Variants in NANOGNB observed in about 807,000 individuals in gnomAD.
NANOGNB encodes homeobox C14.
In NANOGNB, 30 loss-of-function variants were observed where a neutral mutation model predicts 25.0. That is an observed-to-expected ratio of 1.20 (90% CI 0.90 to 1.63). NANOGNB has a LOEUF of 1.63. Among genes scored for constraint, NANOGNB ranks in the 40% most tolerant of loss-of-function variants. NANOGNB has a pLI of 0.00. For missense variants in NANOGNB, 200 were observed against 188.1 expected, an observed-to-expected ratio of 1.06 and a Z score of -0.37; for synonymous variants, 84 against 62.1, an observed-to-expected ratio of 1.35 and a Z score of -1.66.
chr12:7,771,116 T>C (rs767319560), intron 3 of NANOGNB, among the ~76,000 whole-genome samples: 1 of 152,336 alleles, frequency 6.6e-6, no homozygotes, highest in East Asian at 1.9e-4. Context: ...GTTTGTTCCT[T>C]TGATGCTAAA....
chr12:7,773,565 A>AAAAAAAAAAAAAAAAAAAAC (rs1862607259), intron 3 of NANOGNB, among the ~76,000 whole-genome samples: 1 of 137,686 alleles, frequency 7.3e-6, no homozygotes, highest in Non-Finnish European at 1.6e-5. Context: ...AAAAAAAAAA[A>AAAAAAAAAAAAAAAAAAAAC]AAAAAAAAAA....
chr12:7,767,915 G>C (rs1592109757), intron 1 of NANOGNB, among the ~76,000 whole-genome samples: 1 of 151,820 alleles, frequency 6.6e-6, no homozygotes, highest in African/African-American at 2.4e-5. Flanking sequence ...ACCTCACTCT[G>C]TTGCCCAGGC....
intron 1 of NANOGNB, among the ~76,000 whole-genome samples, chr12:7,767,789 T>G (rs1226272934): frequency 6.7e-6 from 1 of 149,676 alleles, no homozygotes; most frequent in Non-Finnish European, 1.5e-5. Context: ...TGTGGCAGGG[T>G]CTTGCTCTGT....
intron 3 of NANOGNB, 24 bp from the exon 4 acceptor site, chr12:7,773,773 CTTT>C (rs34408824): frequency 2.6e-3 from 1,329 of 514,746 alleles, no homozygotes; most frequent in Middle Eastern, 6.3e-3. Context: ...TTGCGAAACT[CTTT>C]TTTTTTTTTT....
intron 3 of NANOGNB, among the ~76,000 whole-genome samples, chr12:7,772,685 G>C (rs970210244): frequency 6.7e-6 from 1 of 149,120 alleles, no homozygotes. Context: ...CCAGGTTCAA[G>C]CAGTTCTCGT....
chr12:7,770,415 C>T (rs1865282603), intron 2 of NANOGNB, 24 bp from the exon 3 acceptor site: 1 of 1,530,568 alleles, frequency 6.5e-7, no homozygotes. Context: ...TATTAATCAC[C>T]TCCCACACCT....
In NANOGNB at chr12:7,773,082, T is replaced by C. The variant is rs79250975; in HGVS notation, c.516-718T>C. Among the ~76,000 whole-genome samples, 1,172 of 152,070 alleles carry C rather than the reference T, an allele frequency of 7.7e-3. 18 individuals carry two copies. The highest frequency in any genetic ancestry group is 0.027 in the African/African-American group (1,123 of 41,482). On this transcript the variant is annotated intron_variant, in intron 3 of 3. Coordinates refer to ENST00000382119, the MANE Select transcript of NANOGNB (RefSeq NM_001145465.1). Reference sequence around the variant, plus strand: ...CAATTTGTTTCACATGTAGTGTTGTTTACTCTTAGTGTCCTCTATTAAAAT... The same window carrying C: ...CAATTTGTTTCACATGTAGTGTTGTCTACTCTTAGTGTCCTCTATTAAAAT...
At chr12:7,766,918 G>C in intron 1 of NANOGNB, among the ~76,000 whole-genome samples, 2 of 152,304 alleles carry the variant, frequency 1.3e-5, no homozygotes, top group South Asian at 4.1e-4. Flanking sequence ...TCAGCTCACT[G>C]CAATCTTTGC....
intron 1 of NANOGNB, among the ~76,000 whole-genome samples, chr12:7,768,695 G>A (rs774270700): frequency 6.4e-4 from 98 of 152,086 alleles, no homozygotes; most frequent in African/African-American, 2.2e-3. Context: ...GCCATGCCCC[G>A]CTAATTTTTT....
At chr12:7,766,199 A>C (rs758044463) in intron 1 of NANOGNB, 2 of 398,512 alleles carry the variant, frequency 5.0e-6, no homozygotes. Flanking sequence ...GGCCAGGCAC[A>C]GTGGCTCACA....
At chr12:7,772,010 T>C (rs1197309829) in intron 3 of NANOGNB, among the ~76,000 whole-genome samples, 1 of 152,156 alleles carries the variant, frequency 6.6e-6, no homozygotes, top group Non-Finnish European at 1.5e-5. Flanking sequence ...ACCGAGGGAA[T>C]GACTCCCACC....
chr12:7,771,489 G>A (rs1300537622), intron 3 of NANOGNB, among the ~76,000 whole-genome samples: 4 of 152,156 alleles, frequency 2.6e-5, no homozygotes, highest in Non-Finnish European at 5.9e-5. Context: ...AAAGTGCTGG[G>A]ATTACAGGCG....
chr12:7,771,168 G>T (rs546350672), intron 3 of NANOGNB, among the ~76,000 whole-genome samples: 5 of 152,150 alleles, frequency 3.3e-5, no homozygotes, highest in Admixed American at 1.3e-4. Context: ...AGTGGCAAAA[G>T]CTCATGTGAT....
chr12:7,767,544 C>T (rs778468334), intron 1 of NANOGNB, among the ~76,000 whole-genome samples: 27 of 151,832 alleles, frequency 1.8e-4, no homozygotes, highest in South Asian at 1.7e-3. Flanking sequence ...CACCCACTGC[C>T]GTCTCTTAAA....
At chr12:7,768,875 C>G (rs188921727) in intron 1 of NANOGNB, among the ~76,000 whole-genome samples, 6 of 152,236 alleles carry the variant, frequency 3.9e-5, no homozygotes, top group Admixed American at 2.6e-4. Context: ...CTCTGTCACC[C>G]AGGCTGGAGT....
At chr12:7,767,165 C>T (rs1865253350) in intron 1 of NANOGNB, among the ~76,000 whole-genome samples, 1 of 152,028 alleles carries the variant, frequency 6.6e-6, no homozygotes, top group African/African-American at 2.4e-5. Flanking sequence ...TTTGCAATGT[C>T]AGGGTCATTA....
At chr12:7,773,017 A>G (rs1401633402) in intron 3 of NANOGNB, among the ~76,000 whole-genome samples, 1 of 151,858 alleles carries the variant, frequency 6.6e-6, no homozygotes, top group Non-Finnish European at 1.5e-5. Context: ...GAGGAAGCGT[A>G]TATTTTCAGT....
At chr12:7,770,800 C>A (rs1049308098) in intron 3 of NANOGNB, among the ~76,000 whole-genome samples, 1 of 152,086 alleles carries the variant, frequency 6.6e-6, no homozygotes, top group African/African-American at 2.4e-5. Flanking sequence ...TTAGTGGAGA[C>A]GGGGTTTCTC....
chr12:7,771,128 A>G (rs536250886), intron 3 of NANOGNB, among the ~76,000 whole-genome samples: 5 of 152,328 alleles, frequency 3.3e-5, no homozygotes, highest in Admixed American at 1.3e-4. Flanking sequence ...GATGCTAAAT[A>G]TATCTGATGA....
Sources: allele counts gnomAD v4.1 joint callset (sites outside exome capture counted in the v4.1 genomes callset), GRCh38; gene constraint gnomAD v4.1.1; transcripts MANE v1.5; gene names NCBI Gene and HGNC (gene_info 2026-07-23, HGNC 2026-07-21).